The following TESK2 variants were observed in gnomAD, a reference collection of about 807,000 sequenced individuals.
TESK2 encodes testis associated actin remodelling kinase 2, also known as dual specificity testis-specific protein kinase 2.
In TESK2, 39 loss-of-function variants were observed where a neutral mutation model predicts 57.1. The observed-to-expected ratio is 0.68, with a 90% CI of 0.53 to 0.89. The LOEUF (loss-of-function observed/expected upper bound fraction) is 0.89. TESK2 is among the 40% of genes least tolerant of loss of function. The probability of loss-of-function intolerance (pLI) is 0.00; values close to 1 mark genes in which losing one functional copy is unlikely to be tolerated. For synonymous variants in TESK2, 249 were observed against 267.9 expected, an observed-to-expected ratio of 0.93 and a Z score of 0.69; for missense variants, 646 against 732.1, an observed-to-expected ratio of 0.88 and a Z score of 1.36.
At chr1:45,481,479 G>A (rs1429380497) in intron 1 of TESK2, among the ~76,000 whole-genome samples, 1 of 152,034 alleles carries the variant, frequency 6.6e-6, no homozygotes, top group African/African-American at 2.4e-5. Flanking sequence ...TGAACAACAC[G>A]GGTTTGAACT....
chr1:45,345,478 G>A lies in TESK2; in HGVS notation c.1078C>T (p.Arg360Cys), dbSNP rs372042663. ...KIPHKSPCPR[R>C]TIWLSRSQSD... is the part of the protein sequence containing the mutation. The stretch of plus-strand genomic sequence containing the variant: ...TGGCTTCGAGACAGCCAGATGGTAC[G>A]TCTTGGGCATGGTGACTTGTGGGGG... Residue 360 changes from arginine to cysteine, a missense_variant, in exon 11 of 11, where the codon CGT becomes TGT. Transcript: ENST00000372086. 1.9e-5 allele frequency: 31 copies of A among 1,614,020 alleles called. No homozygotes were observed. The highest frequency in any genetic ancestry group is 2.3e-5 in the Non-Finnish European group (27 of 1,180,036).
At chr1:45,429,619 G>A (rs1166476882) in intron 2 of TESK2, among the ~76,000 whole-genome samples, 1 of 152,050 alleles carries the variant, frequency 6.6e-6, no homozygotes, top group Non-Finnish European at 1.5e-5. Flanking sequence ...CCTGCACTAG[G>A]CTTTAACAGA....
intron 2 of TESK2, among the ~76,000 whole-genome samples, chr1:45,422,377 C>T (rs1265396097): frequency 6.6e-6 from 1 of 151,908 alleles, no homozygotes; most frequent in Admixed American, 6.6e-5. Flanking sequence ...CCCATGTTTT[C>T]TTTTTTTTAG....
chr1:45,377,610 G>A (rs995860521), intron 4 of TESK2, among the ~76,000 whole-genome samples: 1 of 150,730 alleles, frequency 6.6e-6, no homozygotes, highest in Non-Finnish European at 1.5e-5. Context: ...GTAGAGACAG[G>A]GTTTCACCAT....
Position 45,456,529 on chromosome 1 carries a change from A to G in TESK2, c.222+1035T>C, listed in dbSNP as rs182367515. On this transcript the variant is annotated intron_variant, in intron 2 of 10. Coordinates refer to ENST00000372086, the MANE Select transcript of TESK2 (RefSeq NM_007170.3). ...GTGAGACTCCATCTCAAAAAAAATA[A>G]AAATAAAATAAAATAAAGGGGAAAT... 1.8e-4 allele frequency among the ~76,000 whole-genome samples: 28 copies of G among 152,220 alleles called. No homozygotes were observed. The East Asian group carries it at 5.0e-3, about 27-fold the overall frequency.
At chr1:45,420,097 CCTAA>C (rs1187949222) in intron 3 of TESK2, among the ~76,000 whole-genome samples, 1 of 152,026 alleles carries the variant, frequency 6.6e-6, no homozygotes, top group Non-Finnish European at 1.5e-5. Context: ...GCACATAAAC[CCTAA>C]CTAAATATAC....
rs369458312 is a variant in TESK2, at chr1:45,474,316, G to A, written c.-86-16445C>T. On this transcript the variant is annotated intron_variant, in intron 1 of 10. Transcript: ENST00000372086. ...TGCACTCTAGCCTGGGTGATGGAGT[G>A]AGATTCGGTCTCAAAAAAAAATTTT... 1.1e-3 allele frequency among the ~76,000 whole-genome samples: 163 copies of A among 152,044 alleles called. 1 individual carries two copies. Among genetic ancestry groups the A allele is most frequent in the African/African-American group, 3.8e-3 (156 of 41,478 alleles).
chr1:45,367,575 C>T (rs1307601124), intron 4 of TESK2, among the ~76,000 whole-genome samples: 1 of 151,864 alleles, frequency 6.6e-6, no homozygotes, highest in Non-Finnish European at 1.5e-5. Context: ...TATCCAAATC[C>T]TGACCTCAGG....
At chr1:45,423,311 A>G (rs1341825188) in intron 2 of TESK2, among the ~76,000 whole-genome samples, 1 of 152,182 alleles carries the variant, frequency 6.6e-6, no homozygotes, top group African/African-American at 2.4e-5. Flanking sequence ...TAATCCCAGG[A>G]CTTTGGGAGA....
At chr1:45,387,599 A>G (rs1648955288) in intron 3 of TESK2, among the ~76,000 whole-genome samples, 1 of 152,170 alleles carries the variant, frequency 6.6e-6, no homozygotes. Context: ...CCCTGTGTTC[A>G]CAGAACCTAA....
Position 45,462,057 on chromosome 1 carries a change from T to G in TESK2, c.-86-4186A>C, listed in dbSNP as rs1396435813. On this transcript the variant is annotated intron_variant, in intron 1 of 10. Transcript: ENST00000372086. ...TATCTAACTATATTATTGTACCTAT[T>G]AACCATCCCATTTCCCACTCAACAC... 6.6e-5 allele frequency among the ~76,000 whole-genome samples: 10 copies of G among 152,140 alleles called. No homozygotes were observed. In the East Asian group the frequency reaches 1.9e-3, roughly 29 times the overall value.
intron 3 of TESK2, among the ~76,000 whole-genome samples, chr1:45,413,387 C>A (rs1650111458): frequency 6.6e-6 from 1 of 151,950 alleles, no homozygotes; most frequent in Non-Finnish European, 1.5e-5. Flanking sequence ...AGGTTGGGGT[C>A]AAGAAAAAGA....
At chr1:45,373,541 T>C (rs1427680018) in intron 4 of TESK2, among the ~76,000 whole-genome samples, 1 of 152,242 alleles carries the variant, frequency 6.6e-6, no homozygotes, top group Non-Finnish European at 1.5e-5. Flanking sequence ...TTTTTTGAAG[T>C]TCACTAAACT....
intron 3 of TESK2, among the ~76,000 whole-genome samples, chr1:45,392,393 C>T (rs1383315154): frequency 2.6e-5 from 4 of 152,130 alleles, no homozygotes; most frequent in South Asian, 2.1e-4. Flanking sequence ...GCATAAGCCA[C>T]CGTGCTTGGC....
chr1:45,408,833 G>A (rs575211885), intron 3 of TESK2, among the ~76,000 whole-genome samples: 2 of 151,952 alleles, frequency 1.3e-5, no homozygotes, highest in Non-Finnish European at 2.9e-5. Context: ...TCCTCTTTTA[G>A]GTATTGCATT....
intron 2 of TESK2, among the ~76,000 whole-genome samples, chr1:45,427,942 A>G (rs1027978153): frequency 2.0e-5 from 3 of 152,220 alleles, no homozygotes; most frequent in Non-Finnish European, 4.4e-5. Context: ...TAAATGCTTG[A>G]GGTGATGGAT....
chr1:45,432,758 C>CTTT (rs1300292630), intron 2 of TESK2, among the ~76,000 whole-genome samples: 77 of 87,646 alleles, frequency 8.8e-4, no homozygotes, highest in East Asian at 1.2e-3. Flanking sequence ...AATATTATAA[C>CTTT]TTTTTTTTTT....
At chr1:45,366,592 G>A (rs1647929016) in intron 4 of TESK2, among the ~76,000 whole-genome samples, 1 of 152,100 alleles carries the variant, frequency 6.6e-6, no homozygotes, top group Non-Finnish European at 1.5e-5. Flanking sequence ...TCATCACACT[G>A]TACTATAACA....
At chr1:45,360,954 A>G (rs2149267035) in intron 4 of TESK2, among the ~76,000 whole-genome samples, 1 of 152,248 alleles carries the variant, frequency 6.6e-6, no homozygotes, top group South Asian at 2.1e-4. Context: ...TGTAGCTGGG[A>G]TTACAGGCTG....
Sources: allele counts gnomAD v4.1 joint callset (sites outside exome capture counted in the v4.1 genomes callset), GRCh38; gene constraint gnomAD v4.1.1; transcripts MANE v1.5; gene names NCBI Gene and HGNC (gene_info 2026-07-23, HGNC 2026-07-21).